SYT1: variants seen among roughly 807,000 people sequenced by gnomAD.
SYT1 encodes the protein synaptotagmin 1.
Under a neutral mutation model 44.8 loss-of-function variants are expected in SYT1, and 8 were observed. The observed-to-expected ratio is 0.18, with a 90% CI of 0.10 to 0.32. The LOEUF (loss-of-function observed/expected upper bound fraction) is 0.32, where lower values mean the gene tolerates loss of function less well. SYT1 is among the 10% of genes least tolerant of loss of function. The pLI, the probability that SYT1 is intolerant of heterozygous loss-of-function variation, is 1.00. For missense variants in SYT1, 286 were observed against 509.3 expected, an observed-to-expected ratio of 0.56 and a Z score of 4.22; for synonymous variants, 154 against 188.8, an observed-to-expected ratio of 0.82 and a Z score of 1.51.
At chr12:79,364,939 T>A (rs1883479752) in intron 9 of SYT1, among the ~76,000 whole-genome samples, 1 of 152,148 alleles carries the variant, frequency 6.6e-6, no homozygotes, top group Non-Finnish European at 1.5e-5. Flanking sequence ...AGGAAACAAA[T>A]GCTTTCACAA....
chr12:78,909,877 G>A (rs1426562126), intron 1 of SYT1, among the ~76,000 whole-genome samples: 1 of 151,882 alleles, frequency 6.6e-6, no homozygotes, highest in African/African-American at 2.4e-5. Context: ...ACAACAGGTT[G>A]TTCTTTCAAT....
chr12:79,314,366 G>A (rs1880978515), intron 8 of SYT1, among the ~76,000 whole-genome samples: 1 of 151,962 alleles, frequency 6.6e-6, no homozygotes, highest in Non-Finnish European at 1.5e-5. Flanking sequence ...GGATATCTGA[G>A]CCTAGATACC....
intron 3 of SYT1, among the ~76,000 whole-genome samples, chr12:79,202,742 A>G (rs1873862520): frequency 6.6e-6 from 1 of 152,328 alleles, no homozygotes; most frequent in East Asian, 1.9e-4. Context: ...TGATGGACAC[A>G]CTAAAAGGTA....
chr12:79,002,060 A>G (rs1870773324), intron 2 of SYT1, among the ~76,000 whole-genome samples: 1 of 152,158 alleles, frequency 6.6e-6, no homozygotes, highest in African/African-American at 2.4e-5. Flanking sequence ...TATTTAAGGA[A>G]AAAACACTGC....
intron 8 of SYT1, among the ~76,000 whole-genome samples, chr12:79,353,114 C>T (rs981614427): frequency 6.6e-6 from 1 of 152,152 alleles, no homozygotes; most frequent in African/African-American, 2.4e-5. Context: ...ATTGATTCAA[C>T]TAAAGTGTTA....
chr12:79,229,687 G>A (rs992324373), intron 4 of SYT1, among the ~76,000 whole-genome samples: 1 of 151,786 alleles, frequency 6.6e-6, no homozygotes, highest in Non-Finnish European at 1.5e-5. Flanking sequence ...TCCGCTTCCC[G>A]GGTTCAAGCG....
chr12:79,211,899 T>C (rs1020771383), intron 3 of SYT1, among the ~76,000 whole-genome samples: 3 of 152,262 alleles, frequency 2.0e-5, no homozygotes, highest in Middle Eastern at 3.4e-3. Flanking sequence ...TTGCCCAGTT[T>C]CTTGTACCCT....
intron 9 of SYT1, among the ~76,000 whole-genome samples, chr12:79,435,824 T>C (rs971065218): frequency 6.6e-6 from 1 of 152,212 alleles, no homozygotes; most frequent in Non-Finnish European, 1.5e-5. Flanking sequence ...CCCTGGCCTC[T>C]AGTGCCTAAT....
chr12:79,116,113 A>G (rs1254541341), intron 3 of SYT1, among the ~76,000 whole-genome samples: 1 of 152,234 alleles, frequency 6.6e-6, no homozygotes, highest in African/African-American at 2.4e-5. Flanking sequence ...TGTCATTAAA[A>G]TGGGAATCAT....
chr12:79,079,271 T>G (rs943756125), intron 3 of SYT1, among the ~76,000 whole-genome samples: 1 of 152,136 alleles, frequency 6.6e-6, no homozygotes, highest in Admixed American at 6.6e-5. Flanking sequence ...AGTAATAATT[T>G]TACTTTGATG....
At chr12:79,005,818 C>T (rs778934353) in intron 2 of SYT1, among the ~76,000 whole-genome samples, 1 of 152,030 alleles carries the variant, frequency 6.6e-6, no homozygotes, top group Non-Finnish European at 1.5e-5. Flanking sequence ...GAGAACTGGT[C>T]CCATTGAAGG....
intron 3 of SYT1, among the ~76,000 whole-genome samples, chr12:79,077,280 C>T (rs1876724173): frequency 6.6e-6 from 1 of 152,148 alleles, no homozygotes; most frequent in Non-Finnish European, 1.5e-5. Flanking sequence ...CTGCCATCCA[C>T]CTAATTCTGA....
intron 9 of SYT1, among the ~76,000 whole-genome samples, chr12:79,362,209 G>C (rs763783360): frequency 4.6e-5 from 7 of 152,214 alleles, no homozygotes; most frequent in Admixed American, 1.3e-4. Flanking sequence ...CCATTGAAAT[G>C]CAAAGCTCAG....
chr12:79,048,355 A>G (rs553065893), intron 3 of SYT1, among the ~76,000 whole-genome samples: 3 of 151,968 alleles, frequency 2.0e-5, no homozygotes, highest in African/African-American at 7.2e-5. Flanking sequence ...TTTTAGCCCC[A>G]AAGAACTTTG....
intron 3 of SYT1, among the ~76,000 whole-genome samples, chr12:79,200,083 T>C (rs909788187): frequency 2.6e-5 from 4 of 152,066 alleles, no homozygotes; most frequent in African/African-American, 9.7e-5. Context: ...TACCAAAAGC[T>C]ACTGAAATGG....
intron 9 of SYT1, among the ~76,000 whole-genome samples, chr12:79,400,123 A>T (rs1474951425): frequency 6.6e-6 from 1 of 152,174 alleles, no homozygotes; most frequent in Non-Finnish European, 1.5e-5. Flanking sequence ...TACACAAGTC[A>T]TTCCCTCTCC....
intron 4 of SYT1, among the ~76,000 whole-genome samples, chr12:79,219,329 T>A (rs903645097): frequency 6.6e-6 from 1 of 152,116 alleles, no homozygotes; most frequent in African/African-American, 2.4e-5. Flanking sequence ...GATTGTTTCC[T>A]CTCCTGTGCA....
chr12:79,025,294 T>C (rs749057096), intron 2 of SYT1, among the ~76,000 whole-genome samples: 2 of 151,774 alleles, frequency 1.3e-5, no homozygotes, highest in Non-Finnish European at 2.9e-5. Flanking sequence ...CACATCAACA[T>C]GATTCCATTT....
intron 1 of SYT1, among the ~76,000 whole-genome samples, chr12:78,942,033 T>C (rs1271303682): frequency 1.3e-5 from 2 of 152,238 alleles, no homozygotes; most frequent in East Asian, 1.9e-4. Context: ...GCCTCTTTTG[T>C]ACAACTTCAT....
Sources: allele counts gnomAD v4.1 joint callset (sites outside exome capture counted in the v4.1 genomes callset), GRCh38; gene constraint gnomAD v4.1.1; transcripts MANE v1.5; gene names NCBI Gene and HGNC (gene_info 2026-07-23, HGNC 2026-07-21).